CCDC146: variants seen among roughly 807,000 people sequenced by gnomAD.
The protein encoded by CCDC146 is coiled-coil domain containing 146, also known as coiled-coil domain-containing protein 146.
In CCDC146, 92 loss-of-function variants were observed where a neutral mutation model predicts 119.3. That is an observed-to-expected ratio of 0.77 (90% confidence interval 0.65 to 0.92). CCDC146 has a LOEUF of 0.92. Ranked by LOEUF, CCDC146 falls within the 40% of genes least tolerant of loss-of-function variation. The pLI, the probability that CCDC146 is intolerant of heterozygous loss-of-function variation, is 0.00. For missense variants in CCDC146, 1,000 were observed against 1,103.0 expected (o/e 0.91, Z 1.32); for synonymous variants, 372 against 371.8 (o/e 1.00, Z -0.01).
At chr7:77,193,201 T>G (rs1366231382) in intron 2 of CCDC146, among the ~76,000 whole-genome samples, 2 of 152,194 alleles carry the variant, frequency 1.3e-5, no homozygotes, top group East Asian at 3.8e-4. Context: ...ACTTTTGTAT[T>G]TCAAATGTTT....
At chr7:77,194,301 C>T (rs1299571883) in intron 2 of CCDC146, 1 of 151,884 alleles carries the variant, frequency 6.6e-6, no homozygotes, top group Non-Finnish European at 1.5e-5. Flanking sequence ...TTATCTGAAA[C>T]AAATACATTG....
intron 15 of CCDC146, 146 bp from the exon 16 acceptor site, chr7:77,286,652 C>T: frequency 2.8e-6 from 2 of 705,234 alleles, no homozygotes; most frequent in South Asian, 1.8e-5. Flanking sequence ...CAGGTCCCAG[C>T]TGATGGGGTG....
chr7:77,206,075 A>T (rs1156526305), intron 2 of CCDC146, among the ~76,000 whole-genome samples: 1 of 152,222 alleles, frequency 6.6e-6, no homozygotes, highest in Non-Finnish European at 1.5e-5. Context: ...CACGCTACGC[A>T]TGTCCATAGA....
chr7:77,282,732 T>C lies in CCDC146; in HGVS notation c.2095T>C (p.Leu699=). The change falls in exon 15 of 19, where the codon TTA becomes CTA. Residue 699 remains leucine (L), a synonymous_variant. Coordinates refer to ENST00000285871, the MANE Select transcript of CCDC146 (RefSeq NM_020879.3). ...AAGACAAATTTGTGTGACCCAGAAA[T>C]TACTGCCAGCCAAGAGGTCCCTGGA... ...KQRQICVTQK[L]LPAKRSLDAD... is the part of the protein sequence containing the mutation. The C allele has an allele frequency of 6.2e-7, 1 of 1,614,148 alleles. No homozygotes were observed. The highest frequency in any genetic ancestry group is 8.5e-7 in the Non-Finnish European group (1 of 1,180,014).
chr7:77,143,202 A>G (rs1790962801), intron 1 of CCDC146, among the ~76,000 whole-genome samples: 1 of 151,858 alleles, frequency 6.6e-6, no homozygotes. Context: ...TGTTGGCTGC[A>G]TAAATGTCTT....
At chr7:77,237,179 C>T (rs1426325932) in intron 3 of CCDC146, 150 bp downstream of exon 3, 13 of 637,682 alleles carry the variant, frequency 2.0e-5, no homozygotes, top group Admixed American at 4.7e-5. Flanking sequence ...GAGAAAGCAT[C>T]GTGAGAGAGT....
chr7:77,244,192 ATT>A (rs1792903050), intron 4 of CCDC146, among the ~76,000 whole-genome samples: 1 of 152,196 alleles, frequency 6.6e-6, no homozygotes, highest in South Asian at 2.1e-4. Flanking sequence ...GGAAGAAAAT[ATT>A]TTTACACAGC....
In CCDC146 at chr7:77,241,875, T is replaced by A; in HGVS notation, c.424T>A (p.Phe142Ile). 2 of 1,613,314 alleles carry A rather than the reference T, an allele frequency of 1.2e-6. No individual in the cohort carries two copies. Among genetic ancestry groups the A allele is most frequent in the Non-Finnish European group, 1.7e-6 (2 of 1,179,380 alleles). Residue 142 changes from phenylalanine to isoleucine, a missense_variant, in exon 4 of 19, where the codon TTC becomes ATC. Physicochemically the swap from Phe to Ile is conservative, Grantham distance 21. This residue lies in a region of CCDC146 where 985 missense variants were observed against 1,045.3 expected (regional missense o/e 0.94). Coordinates refer to ENST00000285871, the MANE Select transcript of CCDC146 (RefSeq NM_020879.3). ...NEYNAVKERE[F>I]HNQYRLNSLK... is the part of the protein sequence containing the mutation. ...ATATAATGCAGTGAAGGAAAGAGAG[T>A]TCCATAATCAGTACAGATTAAATAG... is the stretch of plus-strand genomic sequence containing the variant.
chr7:77,257,179 C>G (rs1438899833), intron 6 of CCDC146: 1 of 152,036 alleles, frequency 6.6e-6, no homozygotes, highest in African/African-American at 2.4e-5. Flanking sequence ...ATGTCCTAAC[C>G]TCTCACATAT....
chr7:77,123,807 G>A (rs1271220779), intron 1 of CCDC146, among the ~76,000 whole-genome samples: 4 of 152,098 alleles, frequency 2.6e-5, no homozygotes, highest in African/African-American at 9.7e-5. Context: ...AGTTATCATT[G>A]CCTCTTTTCT....
intron 4 of CCDC146, among the ~76,000 whole-genome samples, chr7:77,245,462 A>G (rs1351663169): frequency 6.6e-6 from 1 of 152,174 alleles, no homozygotes; most frequent in East Asian, 1.9e-4. Context: ...TCTTTCATGC[A>G]AAATCTGACA....
At chr7:77,185,427 G>C (rs1435878297) in intron 2 of CCDC146, among the ~76,000 whole-genome samples, 1 of 152,198 alleles carries the variant, frequency 6.6e-6, no homozygotes, top group Non-Finnish European at 1.5e-5. Flanking sequence ...TGGTTTGGCT[G>C]TGACCCCACC....
chr7:77,223,054 T>A (rs947802933), intron 2 of CCDC146, among the ~76,000 whole-genome samples: 4 of 152,196 alleles, frequency 2.6e-5, no homozygotes, highest in African/African-American at 9.6e-5. Context: ...ATTGGTTCAG[T>A]CTTTGAAGTT....
At chr7:77,278,627 T>C in intron 11 of CCDC146, 125 bp from the exon 12 acceptor site, 1 of 657,892 alleles carries the variant, frequency 1.5e-6, no homozygotes, top group Non-Finnish European at 2.6e-6. Flanking sequence ...TTTATTTTTG[T>C]AGAGATGAGG....
Position 77,123,403 on chromosome 7 carries a change from G to GGTGTGTGT in CCDC146, c.-12+718_-12+725dup, listed in dbSNP as rs557580080. On this transcript the variant is annotated intron_variant, in intron 1 of 18. Transcript: ENST00000285871. Reference sequence around the variant, plus strand: ...AAGATGGTTCTAAATGACCCTATAAGGTGTGTGTGTGTGTGTGTGTGTGTG... The same window carrying GGTGTGTGT: ...AAGATGGTTCTAAATGACCCTATAAGGTGTGTGTGTGTGTGTGTGTGTGTGTGTGTGTG... Among the ~76,000 whole-genome samples the GGTGTGTGT allele has an allele frequency of 3.3e-3, 410 of 125,254 alleles. 1 individual carries two copies. The highest frequency in any genetic ancestry group is 4.6e-3 in the African/African-American group (153 of 33,092). The allele number at this position is 125,254 out of a possible 152,430, so 82.2% of individuals were successfully genotyped here.
chr7:77,194,309 T>C (rs1791824292), intron 2 of CCDC146: 1 of 152,068 alleles, frequency 6.6e-6, no homozygotes, highest in African/African-American at 2.4e-5. Flanking sequence ...AACAAATACA[T>C]TGTATAATAT....
chr7:77,241,726 C>A lies in CCDC146; in HGVS notation c.275C>A (p.Ala92Asp), dbSNP rs775412283. The part of the protein sequence containing the change: ...QESEVQLLQN[A>D]KRFTEQIQQQ... ...TCAGAGGTCCAACTGCTACAGAATG[C>A]CAAACGTTTCACTGAGCAAATACAA... The change falls in exon 4 of 19, where the codon GCC becomes GAC. Residue 92 changes from alanine to aspartate, a missense_variant. By Grantham distance (126) the Ala-to-Asp change is moderately radical. This residue lies in a region of CCDC146 where 985 missense variants were observed against 1,045.3 expected (regional missense o/e 0.94). Transcript: ENST00000285871. 1.9e-6 allele frequency: 3 copies of A among 1,613,958 alleles called. No homozygotes were observed. The highest frequency in any genetic ancestry group is 2.5e-6 in the Non-Finnish European group (3 of 1,180,034).
intron 1 of CCDC146, among the ~76,000 whole-genome samples, chr7:77,133,634 A>G (rs12540771): frequency 0.19 from 28,045 of 145,204 alleles, 2,922 homozygotes; most frequent in Non-Finnish European, 0.21. Context: ...GTGAGCCACC[A>G]CGCCCAGCCT....
chr7:77,125,711 G>A lies in CCDC146; in HGVS notation c.-12+2979G>A, dbSNP rs189486982. Among the ~76,000 whole-genome samples the A allele has an allele frequency of 1.4e-4, 22 of 152,054 alleles. No individual in the cohort carries two copies. In the East Asian group the frequency reaches 4.1e-3, roughly 28 times the overall value. ...CAGAAGAAAAGGTAACCAAAACAAA[G>A]AATTCAGCAATTTAGCTTAAGAGAA... On this transcript the variant is annotated intron_variant, in intron 1 of 18. Transcript: ENST00000285871.
Sources: gnomAD v4.1 joint callset for allele counts (sites outside exome capture counted in the v4.1 genomes callset) on GRCh38, gnomAD v4.1.1 for gene constraint, gnomAD v4.1.1 regional missense constraint, MANE v1.5 for transcripts, NCBI Gene and HGNC (gene_info 2026-07-23, HGNC 2026-07-21) for gene names.